Variants in EYS observed in about 807,000 individuals in gnomAD.
The protein encoded by EYS is protein eyes shut homolog.
A neutral mutation model predicts 282.1 loss-of-function variants in EYS; 250 were observed. The observed-to-expected ratio is 0.89, with a 90% CI of 0.80 to 0.98. The LOEUF (loss-of-function observed/expected upper bound fraction) is 0.98. EYS is among the 50% of genes least tolerant of loss of function. The pLI, the probability that EYS is intolerant of heterozygous loss-of-function variation, is 0.00. For synonymous variants in EYS, 1,355 were observed against 1,282.9 expected (o/e 1.06, Z -1.20); for missense variants, 4,016 against 3,709.0 (o/e 1.08, Z -2.15).
At chr6:65,457,258 G>C (rs1007139369) in intron 5 of EYS, among the ~76,000 whole-genome samples, 1 of 152,038 alleles carries the variant, frequency 6.6e-6, no homozygotes, top group African/African-American at 2.4e-5. Flanking sequence ...TTGACCTCAT[G>C]GGCTTAAGTG....
At chr6:64,809,751 TATAAGTGGGAGCTAAACATTGAATAC>T (rs1318516955) in intron 22 of EYS, among the ~76,000 whole-genome samples, 99 of 152,124 alleles carry the variant, frequency 6.5e-4, no homozygotes, top group African/African-American at 2.3e-3. Context: ...ACGTTCTCCA[TATAAGTGGGAGCTAAACATTGAATAC>T]ACATGATCAT....
chr6:65,031,348 T>G (rs1442662172), intron 13 of EYS, among the ~76,000 whole-genome samples: 1 of 151,820 alleles, frequency 6.6e-6, no homozygotes, highest in African/African-American at 2.4e-5. Context: ...TAAGGATGTT[T>G]GGGACCTGAA....
chr6:65,133,994 C>A (rs1462267107), intron 12 of EYS, among the ~76,000 whole-genome samples: 1 of 151,952 alleles, frequency 6.6e-6, no homozygotes, highest in Non-Finnish European at 1.5e-5. Context: ...ATGCAGCCAA[C>A]AGGCATATAA....
chr6:64,252,300 C>A (rs1262827100), intron 30 of EYS, among the ~76,000 whole-genome samples: 1 of 152,030 alleles, frequency 6.6e-6, no homozygotes, highest in South Asian at 2.1e-4. Context: ...GAAACCTGAG[C>A]GTAATCCTTT....
At chr6:64,306,592 T>C (rs1391325502) in intron 30 of EYS, among the ~76,000 whole-genome samples, 1 of 152,134 alleles carries the variant, frequency 6.6e-6, no homozygotes, top group African/African-American at 2.4e-5. Flanking sequence ...CAAGGACAAC[T>C]TTTTGAGAGT....
At chr6:63,764,773 C>A (rs143127073) in intron 40 of EYS, among the ~76,000 whole-genome samples, 48 of 151,838 alleles carry the variant, frequency 3.2e-4, no homozygotes, top group Middle Eastern at 6.8e-3. Context: ...CAAATCGGAG[C>A]CTCATATAGT....
intron 1 of EYS, among the ~76,000 whole-genome samples, chr6:65,667,981 T>A (rs923534): frequency 0.35 from 53,536 of 151,644 alleles, 11,925 homozygotes; most frequent in Non-Finnish European, 0.49. Flanking sequence ...CTGAGAAACA[T>A]TAAGTGTGAA....
At chr6:65,496,194 T>C (rs1381904713) in intron 2 of EYS, among the ~76,000 whole-genome samples, 2 of 151,774 alleles carry the variant, frequency 1.3e-5, no homozygotes, top group Non-Finnish European at 2.9e-5. Flanking sequence ...TGGTGGAAGG[T>C]GCCAGATAAA....
chr6:64,612,076 G>A (rs1330914270), intron 24 of EYS, among the ~76,000 whole-genome samples: 1 of 152,018 alleles, frequency 6.6e-6, no homozygotes, highest in Non-Finnish European at 1.5e-5. Flanking sequence ...TGTCTGTCTT[G>A]CTATACTGGT....
intron 31 of EYS, among the ~76,000 whole-genome samples, chr6:64,229,762 C>A (rs2150337527): frequency 6.6e-6 from 1 of 152,276 alleles, no homozygotes. Context: ...CATACACAAA[C>A]ACACCCCTTT....
At chr6:64,491,063 A>C (rs1340848310) in intron 26 of EYS, among the ~76,000 whole-genome samples, 1 of 150,930 alleles carries the variant, frequency 6.6e-6, no homozygotes, top group Non-Finnish European at 1.5e-5. Context: ...GAAATGACCA[A>C]CATTAACTAA....
In EYS at chr6:65,639,880, G is replaced by A. The variant is rs1289698336; in HGVS notation, c.-435C>T. ...TTGACTCCCCAGGTGTAAGAGAAGA[G>A]TGAGGCACAAAGCTGGAAAAAAAGA... On this transcript the variant is annotated 5_prime_UTR_variant, in exon 2 of 43. Coordinates refer to ENST00000503581, the MANE Select transcript of EYS (RefSeq NM_001142800.2). 1 of 152,132 alleles carries A rather than the reference G, an allele frequency of 6.6e-6. No homozygotes were observed. The highest frequency in any genetic ancestry group is 1.5e-5 in the Non-Finnish European group (1 of 68,024). 9.4% of individuals were successfully genotyped at this position (152,132 alleles called of 1,614,324 possible). A position where few individuals can be genotyped will look rare whatever the true frequency, so the allele number is the denominator to read the frequency against.
chr6:64,733,148 C>T (rs1423327028), intron 22 of EYS: 1 of 152,216 alleles, frequency 6.6e-6, no homozygotes, highest in Non-Finnish European at 1.5e-5. Context: ...GAAGGCTCAT[C>T]TAAGCCATTC....
intron 29 of EYS, among the ~76,000 whole-genome samples, chr6:64,346,119 T>C (rs1771381417): frequency 6.6e-6 from 1 of 152,044 alleles, no homozygotes; most frequent in South Asian, 2.1e-4. Context: ...GTAAACTAGT[T>C]CAACCATTGT....
intron 19 of EYS, among the ~76,000 whole-genome samples, chr6:64,850,860 A>C (rs9351446): frequency 6.6e-6 from 1 of 152,088 alleles, no homozygotes; most frequent in South Asian, 2.1e-4. Flanking sequence ...TTTATTTTGA[A>C]ATAGCTAGAT....
intron 2 of EYS, among the ~76,000 whole-genome samples, chr6:65,531,603 G>A (rs1767771624): frequency 6.6e-6 from 1 of 152,122 alleles, no homozygotes; most frequent in African/African-American, 2.4e-5. Flanking sequence ...AATGGATAGG[G>A]AGATCCCTAT....
chr6:65,405,121 T>C, intron 6 of EYS, 53 bp downstream of exon 6: 1 of 1,270,856 alleles, frequency 7.9e-7, no homozygotes. Flanking sequence ...AATTGCTTGG[T>C]AATAGTAAAA....
intron 30 of EYS, among the ~76,000 whole-genome samples, chr6:64,256,621 G>A (rs769926185): frequency 2.6e-5 from 4 of 151,970 alleles, no homozygotes; most frequent in Non-Finnish European, 4.4e-5. Context: ...AGTTGTTGAC[G>A]TTCATCTGTC....
chr6:64,436,737 T>C (rs1207235028), intron 27 of EYS, among the ~76,000 whole-genome samples: 1 of 151,846 alleles, frequency 6.6e-6, no homozygotes, highest in East Asian at 1.9e-4. Flanking sequence ...GTGTCTGGGT[T>C]CATTTGTAGA....
Sources: gnomAD v4.1 joint callset for allele counts (sites outside exome capture counted in the v4.1 genomes callset) on GRCh38, gnomAD v4.1.1 for gene constraint, MANE v1.5 for transcripts, NCBI Gene and HGNC (gene_info 2026-07-23, HGNC 2026-07-21) for gene names.